CANX: variants seen among roughly 807,000 people sequenced by gnomAD.
CANX encodes calnexin, also known as epididymis secretory sperm binding protein.
In CANX, 14 loss-of-function variants were observed where a neutral mutation model predicts 75.7. The observed-to-expected ratio is 0.19, with a 90% CI of 0.12 to 0.29. The LOEUF is 0.29. CANX is among the 10% of genes least tolerant of loss of function. CANX has a pLI of 1.00. For synonymous variants in CANX, 227 were observed against 236.9 expected (o/e 0.96, Z 0.38); for missense variants, 567 against 713.2 (o/e 0.79, Z 2.34).
intron 1 of CANX, chr5:179,704,249 C>T (rs530978494): frequency 1.3e-5 from 2 of 152,272 alleles, no homozygotes; most frequent in African/African-American, 4.8e-5. Flanking sequence ...AGAGATAAGC[C>T]GGGTGCGGTG....
chr5:179,703,713 T>G (rs893734788), intron 1 of CANX, among the ~76,000 whole-genome samples: 2 of 151,726 alleles, frequency 1.3e-5, no homozygotes, highest in Non-Finnish European at 2.9e-5. Context: ...AAGGTCTTAA[T>G]AGAGGAAGTT....
At position 179,708,950 on chromosome 5, in the gene CANX, A is replaced by G. The variant is rs761538675; in HGVS notation, c.447-28A>G. On this transcript the variant is annotated intron_variant, in intron 5 of 14. Coordinates refer to ENST00000247461, the MANE Select transcript of CANX (RefSeq NM_001746.4). ...GTTTCGATCTTTCAAAATGCCATACAGTTTTCTGCTTTTCTCTCTGATATT... is the reference window on the plus strand; with the variant it reads ...GTTTCGATCTTTCAAAATGCCATACGGTTTTCTGCTTTTCTCTCTGATATT... The G allele has an allele frequency of 5.3e-6, 6 of 1,138,976 alleles. No homozygotes were observed. In the Admixed American group the frequency reaches 6.8e-5, roughly 13 times the overall value. The allele number at this position is 1,138,976 out of a possible 1,614,324, so 70.6% of individuals were successfully genotyped here.
upstream of CANX, chr5:179,698,535 G>A (rs773341587): frequency 3.0e-4 from 389 of 1,289,406 alleles, 1 homozygote; most frequent in Non-Finnish European, 3.7e-4. Context: ...CCCTTTTGCC[G>A]GCTGCCGTTT....
chr5:179,679,243 T>G (rs536968658), intron 1 of CANX: 5 of 1,528,964 alleles, frequency 3.3e-6, no homozygotes, highest in African/African-American at 1.4e-5. Context: ...TCCAGAATGA[T>G]GAAGGCGAGC....
At chr5:179,679,752 G>A (rs974293946) in intron 1 of CANX, among the ~76,000 whole-genome samples, 1 of 151,776 alleles carries the variant, frequency 6.6e-6, no homozygotes, top group Non-Finnish European at 1.5e-5. Flanking sequence ...TCCACCTCCC[G>A]GGTTCCAGCA....
intron 7 of CANX, among the ~76,000 whole-genome samples, chr5:179,710,869 A>G (rs1380361588): frequency 2.0e-5 from 3 of 151,608 alleles, no homozygotes; most frequent in Admixed American, 6.6e-5. Flanking sequence ...CATGGCCAAC[A>G]TGGTAAAACC....
intron 8 of CANX, among the ~76,000 whole-genome samples, chr5:179,717,903 A>G (rs1028842204): frequency 6.6e-6 from 1 of 151,734 alleles, no homozygotes; most frequent in African/African-American, 2.4e-5. Context: ...TTTAGTAGAC[A>G]CGGGGTTTTA....
upstream of CANX, chr5:179,698,880 G>A (rs1776519501): frequency 8.8e-7 from 1 of 1,135,492 alleles, no homozygotes; most frequent in African/African-American, 1.7e-5. Context: ...TGCGCGGGAG[G>A]GCGGGACTTG....
At chr5:179,679,221 G>A in intron 1 of CANX, 1 of 1,533,732 alleles carries the variant, frequency 6.5e-7, no homozygotes, top group Non-Finnish European at 8.7e-7. Context: ...TCTTGTCTCG[G>A]GAGCCCGGAT....
At chr5:179,727,647 GAC>G (rs1778749514) in intron 14 of CANX, among the ~76,000 whole-genome samples, 1 of 152,218 alleles carries the variant, frequency 6.6e-6, no homozygotes, top group African/African-American at 2.4e-5. Flanking sequence ...CAGGCTACTG[GAC>G]ACAGGTGTCA....
intron 1 of CANX, among the ~76,000 whole-genome samples, chr5:179,691,808 C>T (rs1037780396): frequency 2.6e-5 from 4 of 152,112 alleles, no homozygotes; most frequent in Non-Finnish European, 2.9e-5. Flanking sequence ...GACGGAGTCT[C>T]GCTCTGTCGC....
In CANX at chr5:179,729,061, A is replaced by AT. The variant is rs370981397; in HGVS notation, c.*425dup. 42 of 224,236 alleles carry AT rather than the reference A, an allele frequency of 1.9e-4. 1 individual carries two copies. The highest frequency in any genetic ancestry group is 6.9e-4 in the African/African-American group (29 of 42,098). 13.9% of individuals were successfully genotyped at this position (224,236 alleles called of 1,614,324 possible). A position where few individuals can be genotyped will look rare whatever the true frequency, so the allele number is the denominator to read the frequency against. ...AGATGAGTTGCAGTTTTTATAATAG[A>AT]TTTTTTTTAAAGTTTGGTATTGTAA... On this transcript the variant is annotated 3_prime_UTR_variant, in exon 15 of 15. Transcript: ENST00000247461.
chr5:179,721,796 CTTTA>C (rs1395487618), intron 10 of CANX, among the ~76,000 whole-genome samples: 1 of 152,020 alleles, frequency 6.6e-6, no homozygotes, highest in Admixed American at 6.6e-5. Flanking sequence ...TTAATTTCTA[CTTTA>C]TTTATATACA....
intron 1 of CANX, among the ~76,000 whole-genome samples, chr5:179,685,083 A>T (rs967586636): frequency 4.7e-5 from 7 of 149,206 alleles, no homozygotes; most frequent in African/African-American, 1.7e-4. Flanking sequence ...CGGCCTTAAT[A>T]AATCTATCTA....
At chr5:179,709,211 T>A (rs1174668664) in intron 6 of CANX, 152 bp downstream of exon 6, 1 of 573,440 alleles carries the variant, frequency 1.7e-6, no homozygotes. Flanking sequence ...GTCAGGAGAT[T>A]GAGACTATCT....
At chr5:179,683,026 A>G (rs1300156961) in intron 1 of CANX, among the ~76,000 whole-genome samples, 1 of 152,258 alleles carries the variant, frequency 6.6e-6, no homozygotes, top group Non-Finnish European at 1.5e-5. Flanking sequence ...ACCCAGATCC[A>G]CAGGAGCTCA....
chr5:179,724,791 A>T lies in CANX; in HGVS notation c.1645+8A>T. ...AAGGAGAAGAGAAACTTGGTAAGAA[A>T]CAGAGTCCAGAAAATCTGCTTTAAG... is the stretch of plus-strand genomic sequence containing the variant. On this transcript the variant is annotated splice_region_variant and intron_variant, in intron 13 of 14. Coordinates refer to ENST00000247461, the MANE Select transcript of CANX (RefSeq NM_001746.4). The T allele has an allele frequency of 6.2e-7, 1 of 1,600,770 alleles. No individual in the cohort carries two copies. The highest frequency in any genetic ancestry group is 8.5e-7 in the Non-Finnish European group (1 of 1,172,868).
intron 11 of CANX, 149 bp from the exon 12 acceptor site, chr5:179,723,511 C>CT (rs1562514048): frequency 6.6e-6 from 5 of 754,128 alleles, no homozygotes; most frequent in Non-Finnish European, 1.1e-5. Context: ...GAGGCTTTCT[C>CT]TAATTTCTTT....
intron 6 of CANX, 22 bp from the exon 7 acceptor site, chr5:179,709,850 AT>A: frequency 6.6e-7 from 1 of 1,516,406 alleles, no homozygotes; most frequent in Non-Finnish European, 8.9e-7. Flanking sequence ...GTGACTTCAA[AT>A]AATCCTTTTT....
Sources: allele counts gnomAD v4.1 joint callset (sites outside exome capture counted in the v4.1 genomes callset), GRCh38; gene constraint gnomAD v4.1.1; transcripts MANE v1.5; gene names NCBI Gene and HGNC (gene_info 2026-07-23, HGNC 2026-07-21).